The following NOD1 variants were observed in gnomAD, a reference collection of about 807,000 sequenced individuals.
NOD1 encodes nucleotide-binding oligomerization domain-containing protein 1.
In NOD1, 70 loss-of-function variants were observed where a neutral mutation model predicts 81.2. The observed-to-expected ratio is 0.86, with a 90% CI of 0.71 to 1.05. The LOEUF (loss-of-function observed/expected upper bound fraction) is 1.05. Among genes scored for constraint, NOD1 ranks in the 50% least tolerant of loss-of-function variants. NOD1 has a pLI of 0.00. For missense variants in NOD1, 1,233 were observed against 1,228.0 expected, an observed-to-expected ratio of 1.00 and a Z score of -0.06; for synonymous variants, 508 against 526.9, an observed-to-expected ratio of 0.96 and a Z score of 0.49.
rs1234837289 is a variant in NOD1, at chr7:30,451,336, G to A, written c.2081C>T (p.Ala694Val). 3 of 1,614,216 alleles carry A rather than the reference G, an allele frequency of 1.9e-6. No individual in the cohort carries two copies. The highest frequency in any genetic ancestry group is 2.5e-6 in the Non-Finnish European group (3 of 1,180,046). ...GAAGTGATGCAGGACGAAGGAGAGG[G>A]CGCTGCAGTCGGCCGAGCAGGCGTT... Reference protein sequence around the residue: ...YCNACSADCSALSFVLHHFPK... With the variant: ...YCNACSADCSVLSFVLHHFPK... Residue 694 changes from alanine to valine, a missense_variant, in exon 6 of 14, where the codon GCC becomes GTC. Transcript: ENST00000222823. The surrounding 1 kb of genome is among the most constrained non-coding windows in gnomAD (Gnocchi z 4.2).
chr7:30,464,341 G>A lies in NOD1; in HGVS notation c.-351-4300C>T, dbSNP rs150425761. Reference sequence around the variant, plus strand: ...TGACCCGTGGGATAGCTGCAAGGGGGTGGGCAGGGGCAGAGAGTGGTGGGA... The same window carrying A: ...TGACCCGTGGGATAGCTGCAAGGGGATGGGCAGGGGCAGAGAGTGGTGGGA... On this transcript the variant is annotated intron_variant, in intron 1 of 13. Transcript: ENST00000222823. Among the ~76,000 whole-genome samples, 115 of 152,344 alleles carry A rather than the reference G, an allele frequency of 7.5e-4. 1 individual carries two copies. The highest frequency in any genetic ancestry group is 6.8e-3 in the Middle Eastern group (2 of 294).
intron 1 of NOD1, among the ~76,000 whole-genome samples, chr7:30,471,078 C>G (rs868190928): frequency 3.9e-5 from 6 of 152,162 alleles, no homozygotes; most frequent in Non-Finnish European, 5.9e-5. Context: ...CTCTGCTGAT[C>G]GCTGGCCAAA....
chr7:30,426,260 C>T (rs763464080), intron 13 of NOD1, among the ~76,000 whole-genome samples: 4 of 152,206 alleles, frequency 2.6e-5, no homozygotes, highest in African/African-American at 7.2e-5. Context: ...ACCTCTCCCC[C>T]ACACCTCAAA....
chr7:30,454,967 A>T (rs888831263), intron 5 of NOD1, among the ~76,000 whole-genome samples, 170 bp downstream of exon 5: 3 of 152,334 alleles, frequency 2.0e-5, no homozygotes, highest in South Asian at 2.1e-4. Context: ...GTTCAATCGC[A>T]GCCACCTGGG....
Position 30,437,605 on chromosome 7 carries a change from A to G in NOD1, c.2505T>C (p.Ala835=). 1 of 1,510,940 alleles carries G rather than the reference A, an allele frequency of 6.6e-7. No individual in the cohort carries two copies. Among genetic ancestry groups the G allele is most frequent in the Non-Finnish European group, 8.8e-7 (1 of 1,142,228 alleles). The allele number at this position is 1,510,940 out of a possible 1,614,324, so 93.6% of individuals were successfully genotyped here. ...GDEGAKAFAE[A]LRNHPSLTTL... is the part of the protein sequence containing the mutation. Reference sequence around the variant, plus strand: ...TGGTCAAGCTGGGGTGGTTCCGCAGAGCCTCTGCGAAGGCTTTTGCTCCTT... The same window carrying G: ...TGGTCAAGCTGGGGTGGTTCCGCAGGGCCTCTGCGAAGGCTTTTGCTCCTT... Residue 835 remains alanine (A), a synonymous_variant, in exon 10 of 14, where the codon GCT becomes GCC. Transcript: ENST00000222823.
In NOD1 at chr7:30,437,125, C is replaced by T. The variant is rs146753148; in HGVS notation, c.2537+448G>A. Reference sequence around the variant, plus strand: ...CATTCTCAGCAAACTAACACAGGAACAAAAAACCAAACACTGCATGTTCTC... The same window carrying T: ...CATTCTCAGCAAACTAACACAGGAATAAAAAACCAAACACTGCATGTTCTC... On this transcript the variant is annotated intron_variant, in intron 10 of 13. Transcript: ENST00000222823. 1.5e-4 allele frequency among the ~76,000 whole-genome samples: 23 copies of T among 150,948 alleles called. 1 individual carries two copies. In the East Asian group the frequency reaches 4.5e-3, roughly 30 times the overall value.
At chr7:30,466,874 A>C (rs1301054338) in intron 1 of NOD1, among the ~76,000 whole-genome samples, 1 of 152,216 alleles carries the variant, frequency 6.6e-6, no homozygotes, top group Non-Finnish European at 1.5e-5. Context: ...CTAGGAAGAA[A>C]AATAGGCAGG....
chr7:30,460,413 G>T (rs1427202546), intron 1 of NOD1: 2 of 985,296 alleles, frequency 2.0e-6, no homozygotes, highest in Non-Finnish European at 2.4e-6. Context: ...GCAAAGAGAG[G>T]ACGGAGATTG....
At chr7:30,448,068 A>G in intron 7 of NOD1, 2 of 542,102 alleles carry the variant, frequency 3.7e-6, no homozygotes, top group Middle Eastern at 4.9e-4. Context: ...TTGTAAGCCT[A>G]CTTGCCTATA....
chr7:30,436,300 G>A (rs117418821), intron 10 of NOD1, among the ~76,000 whole-genome samples: 59 of 152,348 alleles, frequency 3.9e-4, no homozygotes, highest in Middle Eastern at 3.4e-3. Flanking sequence ...CGGGAAATGG[G>A]TCATCAGCAC....
At chr7:30,438,299 A>G (rs1050374462) in intron 9 of NOD1, among the ~76,000 whole-genome samples, 5 of 152,204 alleles carry the variant, frequency 3.3e-5, no homozygotes, top group African/African-American at 1.2e-4. Context: ...TCTGCGTGGT[A>G]AGATGGTGGA....
At chr7:30,447,088 C>CTGA in intron 7 of NOD1, 38 bp from the exon 8 acceptor site, 1 of 1,613,126 alleles carries the variant, frequency 6.2e-7, no homozygotes, top group Non-Finnish European at 8.5e-7. Flanking sequence ...TTTCTGGCTC[C>CTGA]TGATGTCATT....
chr7:30,464,931 C>T (rs949495751), intron 1 of NOD1, among the ~76,000 whole-genome samples: 6 of 152,150 alleles, frequency 3.9e-5, no homozygotes, highest in African/African-American at 1.4e-4. Context: ...TGCAACAACC[C>T]TAGGTGCCAG....
Position 30,452,036 on chromosome 7 carries a change from A to C in NOD1, c.1381T>G (p.Cys461Gly). ...CGGTGGGCCACCTGCCCCAGCGAGC[A>C]CAGAGTGTCCCGGCCGGCGTGGAGG... ...ETLHAGRDTL[C>G]SLGQVAHRGM... Residue 461 changes from cysteine to glycine, a missense_variant, in exon 6 of 14, where the codon TGC becomes GGC. Coordinates refer to ENST00000222823, the MANE Select transcript of NOD1 (RefSeq NM_006092.4). 1 of 1,613,522 alleles carries C rather than the reference A, an allele frequency of 6.2e-7. No homozygotes were observed. Among genetic ancestry groups the C allele is most frequent in the Non-Finnish European group, 8.5e-7 (1 of 1,179,954 alleles).
intron 11 of NOD1, among the ~76,000 whole-genome samples, chr7:30,434,525 T>C (rs1178659229): frequency 6.6e-6 from 1 of 152,198 alleles, no homozygotes; most frequent in Non-Finnish European, 1.5e-5. Context: ...ATGTAAAGTA[T>C]GTGATTACAA....
intron 7 of NOD1, chr7:30,447,289 C>T (rs979146961): frequency 4.4e-5 from 25 of 563,478 alleles, no homozygotes; most frequent in Non-Finnish European, 6.2e-5. Context: ...TCAGTTTCTC[C>T]ATCTGTAATA....
chr7:30,454,810 A>G (rs980595917), intron 5 of NOD1, among the ~76,000 whole-genome samples: 2 of 151,990 alleles, frequency 1.3e-5, no homozygotes, highest in Non-Finnish European at 2.9e-5. Flanking sequence ...AGATTTTTTT[A>G]AAAGAAAAAA....
Position 30,452,345 on chromosome 7 carries a change from G to A in NOD1, c.1072C>T (p.Arg358Cys), listed in dbSNP as rs376876391. 109 of 1,613,212 alleles carry A rather than the reference G, an allele frequency of 6.8e-5. 1 individual carries two copies. The highest frequency in any genetic ancestry group is 1.6e-4 in the Middle Eastern group (1 of 6,084). ...GGGAACATCCTCCTGGCATAGGCGC[G>A]CAGGTGGCTGGGGGAGAAGCCCCGG... ...LLRGFSPSHLRAYARRMFPER... is the reference protein window; with the variant it reads ...LLRGFSPSHLCAYARRMFPER... The change falls in exon 6 of 14, where the codon CGC (arginine) becomes TGC (cysteine). Residue 358 changes from arginine to cysteine, a missense_variant. Coordinates refer to ENST00000222823, the MANE Select transcript of NOD1 (RefSeq NM_006092.4).
intron 11 of NOD1, among the ~76,000 whole-genome samples, chr7:30,434,826 G>A (rs1474422824): frequency 6.6e-6 from 1 of 152,192 alleles, no homozygotes; most frequent in Non-Finnish European, 1.5e-5. Flanking sequence ...CTCATGAAGA[G>A]GATATTGTCA....
Sources: allele counts gnomAD v4.1 joint callset (sites outside exome capture counted in the v4.1 genomes callset), GRCh38; gene constraint gnomAD v4.1.1; non-coding constraint Gnocchi (gnomAD v3.1); transcripts MANE v1.5; gene names NCBI Gene and HGNC (gene_info 2026-07-23, HGNC 2026-07-21).